The following THAP9 variants were observed in gnomAD, a reference collection of about 807,000 sequenced individuals.
THAP9 encodes the protein THAP domain containing 9, also known as DNA transposase THAP9.
In THAP9, 20 loss-of-function variants were observed where a neutral mutation model predicts 35.7. The ratio of observed to expected loss-of-function variants is 0.56; its 90% CI spans 0.39 to 0.81. THAP9 has a LOEUF of 0.81. Ranked by LOEUF, THAP9 falls within the 40% of genes least tolerant of loss-of-function variation. The pLI is 0.00. For synonymous variants in THAP9, 335 were observed against 373.7 expected (o/e 0.90, Z 1.19); for missense variants, 870 against 1,047.4 (o/e 0.83, Z 2.34).
At chr4:82,904,623 G>T in intron 1 of THAP9, 113 bp from the exon 2 acceptor site, 1 of 925,874 alleles carries the variant, frequency 1.1e-6, no homozygotes, top group Non-Finnish European at 1.6e-6. Context: ...TAATTCACTT[G>T]GCTTTATGTT....
At chr4:82,907,580 C>G (rs893839245) in intron 3 of THAP9, among the ~76,000 whole-genome samples, 1 of 152,090 alleles carries the variant, frequency 6.6e-6, no homozygotes, top group African/African-American at 2.4e-5. Context: ...ATTTTTTCTT[C>G]CCTCTAGTGA....
At chr4:82,911,487 G>A (rs1488077703) in intron 4 of THAP9, among the ~76,000 whole-genome samples, 3 of 152,054 alleles carry the variant, frequency 2.0e-5, no homozygotes, top group East Asian at 3.9e-4. Flanking sequence ...CCAGCTACTC[G>A]GGAGGCTGAG....
chr4:82,908,429 C>T (rs1282968868), intron 4 of THAP9, among the ~76,000 whole-genome samples: 2 of 152,128 alleles, frequency 1.3e-5, no homozygotes, highest in African/African-American at 4.8e-5. Flanking sequence ...TTAGGTTGTC[C>T]AGGAAACAGA....
chr4:82,917,791 T>C lies in THAP9; in HGVS notation c.1579T>C (p.Tyr527His). ...LFDIFNSRNC[Y>H]GKGLKGPLLP... ...TGACATCTTTAATAGTAGGAACTGT[T>C]ATGGAAAGGGACTTAAAGGGCCTCT... is the stretch of plus-strand genomic sequence containing the variant. Residue 527 changes from tyrosine to histidine, a missense_variant, in exon 5 of 5, where the codon TAT (tyrosine) becomes CAT (histidine). Tyr to His is a moderately conservative substitution (Grantham distance 83). Coordinates refer to ENST00000302236, the MANE Select transcript of THAP9 (RefSeq NM_024672.6). The C allele has an allele frequency of 1.2e-6, 2 of 1,613,996 alleles. No individual in the cohort carries two copies. The highest frequency in any genetic ancestry group is 1.7e-6 in the Non-Finnish European group (2 of 1,179,966).
intron 4 of THAP9, among the ~76,000 whole-genome samples, chr4:82,911,334 G>A (rs1261254033): frequency 6.6e-6 from 1 of 151,934 alleles, no homozygotes; most frequent in East Asian, 1.9e-4. Context: ...ACTCATGCCT[G>A]TAATCCCAGC....
chr4:82,904,694 T>C, intron 1 of THAP9, 42 bp from the exon 2 acceptor site: 2 of 1,577,504 alleles, frequency 1.3e-6, no homozygotes, highest in Non-Finnish European at 1.7e-6. Context: ...AATAGTACTA[T>C]AATGTTTTCA....
chr4:82,902,570 G>A (rs1720469732), intron 1 of THAP9, among the ~76,000 whole-genome samples: 1 of 152,090 alleles, frequency 6.6e-6, no homozygotes, highest in South Asian at 2.1e-4. Flanking sequence ...GAAGTTGTTG[G>A]ACCAGCCAAC....
Position 82,918,366 on chromosome 4 carries a change from T to G in THAP9, c.2154T>G (p.Tyr718Ter), listed in dbSNP as rs376639375. 2.5e-6 allele frequency: 4 copies of G among 1,614,074 alleles called. No individual in the cohort carries two copies. In the African/African-American group the frequency reaches 4.0e-5, roughly 16 times the overall value. ...ATCATAGGCGAAATCTCATCTGTTA[T>G]GCTGGTTATGTTGCAAACAAGTTAT... ...LSDHRRNLIC[Y>*]AGYVANKLSA... Residue 718 changes from tyrosine (Y) to a stop codon, truncating the protein, a stop_gained, in exon 5 of 5, where the codon TAT (tyrosine) becomes TAG (stop). Coordinates refer to ENST00000302236, the MANE Select transcript of THAP9 (RefSeq NM_024672.6). LOFTEE classifies it high-confidence loss of function.
intron 4 of THAP9, among the ~76,000 whole-genome samples, chr4:82,911,407 C>T (rs1259386663): frequency 1.3e-5 from 2 of 151,870 alleles, no homozygotes; most frequent in South Asian, 4.2e-4. Context: ...CTGGCTAACA[C>T]GGTGAAACCC....
intron 1 of THAP9, among the ~76,000 whole-genome samples, chr4:82,903,169 A>G (rs1489810632): frequency 6.6e-6 from 1 of 152,262 alleles, no homozygotes; most frequent in East Asian, 1.9e-4. Context: ...AACGTCAAAG[A>G]AGAAGGGGCA....
rs183879418 is a variant in THAP9 at position 82,906,880 on chromosome 4, C to T, written c.580+253C>T. Among the ~76,000 whole-genome samples, 168 of 152,246 alleles carry T rather than the reference C, an allele frequency of 1.1e-3. 1 individual carries two copies. The highest frequency in any genetic ancestry group is 3.8e-3 in the African/African-American group (160 of 41,576). On this transcript the variant is annotated intron_variant, in intron 3 of 4. Coordinates refer to ENST00000302236, the MANE Select transcript of THAP9 (RefSeq NM_024672.6). Reference sequence around the variant, plus strand: ...AATTAAAATAATGTTAATCCCACTACCCAGAGATGAAACCATATGGTTTAT... The same window carrying T: ...AATTAAAATAATGTTAATCCCACTATCCAGAGATGAAACCATATGGTTTAT...
chr4:82,907,990 G>A, intron 4 of THAP9, 55 bp downstream of exon 4: 6 of 1,515,782 alleles, frequency 4.0e-6, no homozygotes, highest in South Asian at 1.2e-5. Flanking sequence ...AGGACATCTT[G>A]TTGATTGCAT....
rs1721123170 is a variant in THAP9, at chr4:82,918,444, C to G, written c.2232C>G (p.Leu744=). 1 of 1,614,038 alleles carries G rather than the reference C, an allele frequency of 6.2e-7. No individual in the cohort carries two copies. Among genetic ancestry groups the G allele is most frequent in the African/African-American group, 1.3e-5 (1 of 74,934 alleles). The part of the protein sequence containing the change: ...DCITALYASD[L]KASKIGSLLF... ...TCACTGCACTGTATGCATCGGATCT[C>G]AAAGCCTCTAAAATTGGGTCACTAT... Residue 744 remains leucine (L), a synonymous_variant, in exon 5 of 5, where the codon CTC becomes CTG. Coordinates refer to ENST00000302236, the MANE Select transcript of THAP9 (RefSeq NM_024672.6).
intron 1 of THAP9, among the ~76,000 whole-genome samples, chr4:82,902,479 C>T (rs898910550): frequency 6.6e-6 from 1 of 152,184 alleles, no homozygotes; most frequent in Non-Finnish European, 1.5e-5. Flanking sequence ...CAGCCCACCC[C>T]ATGGACTAAG....
intron 1 of THAP9, 151 bp downstream of exon 1, chr4:82,901,033 T>C (rs895608983): frequency 7.6e-5 from 69 of 907,988 alleles, no homozygotes; most frequent in African/African-American, 6.9e-4. Flanking sequence ...GGGAGCGGAA[T>C]TGGGGCACTG....
At chr4:82,912,320 T>C (rs10857215) in intron 4 of THAP9, among the ~76,000 whole-genome samples, 81,278 of 152,070 alleles carry the variant, frequency 0.53, 23,688 homozygotes, top group East Asian at 0.78. Context: ...TAATTTTTGG[T>C]TTATATTCAC....
intron 4 of THAP9, among the ~76,000 whole-genome samples, chr4:82,909,614 A>G (rs1720791212): frequency 6.6e-6 from 1 of 152,264 alleles, no homozygotes; most frequent in Non-Finnish European, 1.5e-5. Flanking sequence ...TAACTCTGAC[A>G]TTCTCCAGCT....
At position 82,917,983 on chromosome 4, in the gene THAP9, T is replaced by G. The variant is rs550762423; in HGVS notation, c.1771T>G (p.Tyr591Asp). The change falls in exon 5 of 5, where the codon TAT (tyrosine) becomes GAT (aspartate). Residue 591 changes from tyrosine to aspartate, a missense_variant. By Grantham distance (160) the Tyr-to-Asp change is radical. Around this residue, in one of 3 missense-constraint regions of THAP9, gnomAD observed 414 missense variants for 500.8 expected, o/e 0.83. Transcript: ENST00000302236. Reference protein sequence around the residue: ...AESLKWLYQNYVFPKVMPFPY... With the variant: ...AESLKWLYQNDVFPKVMPFPY... ...GAGCTTAAAATGGCTCTACCAAAAT[T>G]ATGTTTTCCCAAAGGTCATGCCTTT... 1 of 1,614,058 alleles carries G rather than the reference T, an allele frequency of 6.2e-7. No individual in the cohort carries two copies. Among genetic ancestry groups the G allele is most frequent in the Admixed American group, 1.7e-5 (1 of 60,000 alleles).
intron 4 of THAP9, among the ~76,000 whole-genome samples, chr4:82,909,422 C>CTG (rs111834183): frequency 0.21 from 31,028 of 150,466 alleles, 3,324 homozygotes; most frequent in South Asian, 0.31. Flanking sequence ...TATTTCCTTC[C>CTG]TGTGTGTGTG....
Sources: gnomAD v4.1 joint callset for allele counts (sites outside exome capture counted in the v4.1 genomes callset) on GRCh38, gnomAD v4.1.1 for gene constraint, gnomAD v4.1.1 regional missense constraint, MANE v1.5 for transcripts, NCBI Gene and HGNC (gene_info 2026-07-23, HGNC 2026-07-21) for gene names.